DCAF6: variants seen among roughly 807,000 people sequenced by gnomAD.
The protein encoded by DCAF6 is DDB1- and CUL4-associated factor 6.
In DCAF6, 54 loss-of-function variants were observed where a neutral mutation model predicts 125.1. The ratio of observed to expected loss-of-function variants is 0.43; its 90% CI spans 0.35 to 0.54. DCAF6 has a LOEUF of 0.54. Ranked by LOEUF, DCAF6 falls within the 20% of genes least tolerant of loss-of-function variation. The probability of loss-of-function intolerance (pLI) is 0.01; values close to 1 mark genes in which losing one functional copy is unlikely to be tolerated. For synonymous variants in DCAF6, 371 were observed against 390.4 expected (o/e 0.95, Z 0.58); for missense variants, 934 against 1,161.7 (o/e 0.80, Z 2.85).
At chr1:168,029,999 G>GA (rs1686858937) in intron 12 of DCAF6, among the ~76,000 whole-genome samples, 1 of 149,902 alleles carries the variant, frequency 6.7e-6, no homozygotes, top group Admixed American at 6.7e-5. Context: ...AAAAAGAAAA[G>GA]AAACATGTCT....
intron 12 of DCAF6, 100 bp downstream of exon 12, chr1:168,023,147 T>C (rs2103244906): frequency 1.6e-6 from 2 of 1,220,868 alleles, no homozygotes; most frequent in African/African-American, 3.0e-5. Flanking sequence ...TCATTTTGAT[T>C]ATGGTCTTAT....
In DCAF6 at chr1:168,075,605, G is replaced by T; in HGVS notation, c.*170G>T. 1.8e-6 allele frequency: 1 copy of T among 563,794 alleles called. No individual in the cohort carries two copies. Among genetic ancestry groups the T allele is most frequent in the Non-Finnish European group, 3.0e-6 (1 of 332,226 alleles). The allele number at this position is 563,794 out of a possible 1,614,324, so 34.9% of individuals were successfully genotyped here. A position where few individuals can be genotyped will look rare whatever the true frequency, so the allele number is the denominator to read the frequency against. ...TGGAATGATTGTGTGCATGAATTTG[G>T]GAGATTGTATAAAACAAAACTAGCA... On this transcript the variant is annotated 3_prime_UTR_variant, in exon 22 of 22. Transcript: ENST00000367840.
chr1:168,073,083 G>T (rs1157116003), intron 21 of DCAF6, among the ~76,000 whole-genome samples: 1 of 152,166 alleles, frequency 6.6e-6, no homozygotes, highest in African/African-American at 2.4e-5. Flanking sequence ...GGGCGAGACA[G>T]GAGAATCGCT....
At chr1:167,942,087 C>T (rs921516293) in intron 1 of DCAF6, among the ~76,000 whole-genome samples, 15 of 152,146 alleles carry the variant, frequency 9.9e-5, no homozygotes, top group South Asian at 6.2e-4. Flanking sequence ...GTTTTTGAGA[C>T]GGAGTTTCGC....
the DCAF6 span, among the ~76,000 whole-genome samples, chr1:167,872,198 C>G: frequency 1.3e-5 from 2 of 151,842 alleles, no homozygotes; most frequent in Non-Finnish European, 2.9e-5. Flanking sequence ...ATTAGCCGGG[C>G]GTGGTGGTGC....
chr1:168,020,579 C>T (rs933647494), intron 11 of DCAF6, among the ~76,000 whole-genome samples: 5 of 152,088 alleles, frequency 3.3e-5, no homozygotes, highest in Non-Finnish European at 5.9e-5. Context: ...AACCATATTA[C>T]ATGTTACAAT....
chr1:168,022,791 A>G (rs1450106896), intron 11 of DCAF6, among the ~76,000 whole-genome samples, 197 bp from the exon 12 acceptor site: 2 of 152,214 alleles, frequency 1.3e-5, no homozygotes, highest in African/African-American at 4.8e-5. Flanking sequence ...CTCATTCTCA[A>G]AGTTACTAAA....
At chr1:168,002,252 T>C (rs1321096167) in intron 7 of DCAF6, among the ~76,000 whole-genome samples, 1 of 152,190 alleles carries the variant, frequency 6.6e-6, no homozygotes, top group African/African-American at 2.4e-5. Context: ...TCAGGCTCTT[T>C]AGGTTGAAGA....
At chr1:168,009,874 A>AAG (rs1322422720) in intron 10 of DCAF6, among the ~76,000 whole-genome samples, 1 of 151,494 alleles carries the variant, frequency 6.6e-6, no homozygotes. Flanking sequence ...TCTCTTGAAG[A>AAG]CAGGATATTG....
At chr1:168,004,471 T>C (rs1683071297) in intron 9 of DCAF6, 62 bp from the exon 10 acceptor site, 1 of 1,504,962 alleles carries the variant, frequency 6.6e-7, no homozygotes, top group African/African-American at 1.4e-5. Flanking sequence ...GCATATCTGT[T>C]TAGAGTTGTT....
At chr1:167,873,346 A>G in the DCAF6 span, among the ~76,000 whole-genome samples, 1 of 152,090 alleles carries the variant, frequency 6.6e-6, no homozygotes, top group African/African-American at 2.4e-5. Flanking sequence ...CTGCTGGCCC[A>G]AGTGTTTTTT....
intron 2 of DCAF6, among the ~76,000 whole-genome samples, chr1:167,952,924 G>A (rs962336116): frequency 2.6e-5 from 4 of 152,062 alleles, no homozygotes; most frequent in Admixed American, 6.5e-5. Context: ...TAATTATCAA[G>A]ATTTTGCCAT....
chr1:168,062,601 T>C (rs1166921154), intron 17 of DCAF6, among the ~76,000 whole-genome samples: 2 of 151,974 alleles, frequency 1.3e-5, no homozygotes, highest in South Asian at 2.1e-4. Context: ...TTAACTGTTA[T>C]GAGATCTGTT....
At chr1:167,935,868 G>A (rs11553557), upstream of DCAF6, 177 of 1,520,474 alleles carry the variant, frequency 1.2e-4, no homozygotes, top group Non-Finnish European at 1.5e-4. Context: ...TTGGCAGCCG[G>A]GTGGGAGCGT....
At chr1:168,046,684 T>C (rs773571370) in intron 16 of DCAF6, among the ~76,000 whole-genome samples, 2 of 152,146 alleles carry the variant, frequency 1.3e-5, no homozygotes, top group Non-Finnish European at 2.9e-5. Flanking sequence ...CCTTAGAATG[T>C]CATTACCACT....
chr1:167,877,295 G>A, the DCAF6 span, among the ~76,000 whole-genome samples: 2 of 150,266 alleles, frequency 1.3e-5, no homozygotes, highest in African/African-American at 2.5e-5. Context: ...AGTACCTGAT[G>A]TTTAATAAGT....
chr1:168,005,499 G>A (rs920033269), intron 10 of DCAF6, among the ~76,000 whole-genome samples: 13 of 151,850 alleles, frequency 8.6e-5, no homozygotes, highest in African/African-American at 2.4e-4. Context: ...CAGTTTACTC[G>A]GTACTTTAAA....
chr1:167,937,699 T>G (rs1671529275), intron 1 of DCAF6, among the ~76,000 whole-genome samples: 1 of 152,192 alleles, frequency 6.6e-6, no homozygotes, highest in South Asian at 2.1e-4. Context: ...AAAAACAACC[T>G]TCAGTACTTG....
intron 12 of DCAF6, among the ~76,000 whole-genome samples, chr1:168,036,191 C>T (rs1687785181): frequency 1.3e-5 from 2 of 152,188 alleles, no homozygotes; most frequent in African/African-American, 2.4e-5. Flanking sequence ...ATGTTTTCTG[C>T]TCTGTTCTGA....
Sources: allele counts gnomAD v4.1 joint callset (sites outside exome capture counted in the v4.1 genomes callset), GRCh38; gene constraint gnomAD v4.1.1; transcripts MANE v1.5; gene names NCBI Gene and HGNC (gene_info 2026-07-23, HGNC 2026-07-21).